PDE11A: variants seen among roughly 807,000 people sequenced by gnomAD.
PDE11A encodes the protein phosphodiesterase 11A.
A neutral mutation model predicts 100.5 loss-of-function variants in PDE11A; 100 were observed. That is an observed-to-expected ratio of 1.00 (90% CI 0.85 to 1.18). PDE11A has a LOEUF of 1.18. Among genes scored for constraint, PDE11A ranks in the 50% most tolerant of loss-of-function variants. The pLI is 0.00. For missense variants in PDE11A, 1,141 were observed against 1,152.6 expected, an observed-to-expected ratio of 0.99 and a Z score of 0.15; for synonymous variants, 381 against 420.8, an observed-to-expected ratio of 0.91 and a Z score of 1.16.
At chr2:177,888,821 A>G in intron 4 of PDE11A, 1 of 174,382 alleles carries the variant, frequency 5.7e-6, no homozygotes, top group East Asian at 1.9e-4. Flanking sequence ...CCTCTTCTGT[A>G]ATATGACCCA....
At chr2:177,870,317 AT>A (rs935051205) in intron 5 of PDE11A, among the ~76,000 whole-genome samples, 2 of 152,200 alleles carry the variant, frequency 1.3e-5, no homozygotes, top group Non-Finnish European at 2.9e-5. Context: ...ATAACTTTTC[AT>A]TTCAATGCCA....
chr2:177,660,571 T>C (rs1000733227), intron 19 of PDE11A, among the ~76,000 whole-genome samples: 11 of 152,240 alleles, frequency 7.2e-5, no homozygotes, highest in African/African-American at 2.7e-4. Context: ...GAGGAGTTCC[T>C]CATTGTTTTC....
chr2:178,050,734 A>G (rs1000069022), intron 1 of PDE11A, among the ~76,000 whole-genome samples: 12 of 152,242 alleles, frequency 7.9e-5, no homozygotes, highest in African/African-American at 2.9e-4. Flanking sequence ...AGCCGATTCG[A>G]TCAACTGGAA....
chr2:177,764,188 G>A (rs960073335), intron 10 of PDE11A, among the ~76,000 whole-genome samples: 2 of 151,908 alleles, frequency 1.3e-5, no homozygotes, highest in African/African-American at 4.8e-5. Flanking sequence ...ACCTATTCTT[G>A]GTACTTTATT....
chr2:177,961,713 CATAATGGAAAGCCA>C (rs899850568), intron 2 of PDE11A, among the ~76,000 whole-genome samples: 1 of 151,908 alleles, frequency 6.6e-6, no homozygotes, highest in Non-Finnish European at 1.5e-5. Context: ...AGATCATGAC[CATAATGGAAAGCCA>C]ATAACATTTT....
chr2:177,824,820 A>G (rs1420209370), intron 6 of PDE11A, among the ~76,000 whole-genome samples: 1 of 152,196 alleles, frequency 6.6e-6, no homozygotes, highest in African/African-American at 2.4e-5. Flanking sequence ...CATATGGAAA[A>G]TATTTAATAT....
At chr2:177,653,288 C>G (rs951758540) in intron 19 of PDE11A, among the ~76,000 whole-genome samples, 1 of 152,190 alleles carries the variant, frequency 6.6e-6, no homozygotes, top group Admixed American at 6.5e-5. Flanking sequence ...TCCATGAGTG[C>G]TCTGAGAGAA....
chr2:177,980,176 C>G (rs2085864002), intron 2 of PDE11A, among the ~76,000 whole-genome samples: 1 of 150,198 alleles, frequency 6.7e-6, no homozygotes, highest in Non-Finnish European at 1.5e-5. Context: ...ACGAAGAATA[C>G]CAGCTAAGGA....
intron 10 of PDE11A, among the ~76,000 whole-genome samples, chr2:177,740,070 T>G (rs1559168167): frequency 6.6e-6 from 1 of 152,206 alleles, no homozygotes; most frequent in Non-Finnish European, 1.5e-5. Context: ...GCTCTTTGAC[T>G]TCTCTCAGAT....
intron 1 of PDE11A, among the ~76,000 whole-genome samples, chr2:178,029,656 A>C (rs1559047443): frequency 6.6e-6 from 1 of 152,226 alleles, no homozygotes; most frequent in Non-Finnish European, 1.5e-5. Flanking sequence ...AAATAAGAGC[A>C]AAAGTTAATG....
At chr2:177,910,447 C>A (rs779708992) in intron 2 of PDE11A, among the ~76,000 whole-genome samples, 1 of 145,410 alleles carries the variant, frequency 6.9e-6, no homozygotes, top group Non-Finnish European at 1.5e-5. Flanking sequence ...TATATATATA[C>A]ACACACACAC....
At chr2:177,853,106 C>T (rs2083744073) in intron 5 of PDE11A, among the ~76,000 whole-genome samples, 1 of 143,112 alleles carries the variant, frequency 7.0e-6, no homozygotes, top group Non-Finnish European at 1.5e-5. Context: ...CAATTGCCTG[C>T]TTCTGTCACA....
At chr2:178,044,312 G>A (rs2086717360) in intron 1 of PDE11A, among the ~76,000 whole-genome samples, 1 of 85,166 alleles carries the variant, frequency 1.2e-5, no homozygotes, top group South Asian at 3.8e-4. Flanking sequence ...GAAGAATCCT[G>A]ATTTTACCAT....
At chr2:177,716,104 G>C (rs2081433440) in intron 12 of PDE11A, among the ~76,000 whole-genome samples, 1 of 152,210 alleles carries the variant, frequency 6.6e-6, no homozygotes, top group African/African-American at 2.4e-5. Flanking sequence ...TGAGGATGTA[G>C]GCTTTCACTT....
At chr2:177,817,756 A>G in intron 8 of PDE11A, 102 bp downstream of exon 8, 1 of 691,684 alleles carries the variant, frequency 1.4e-6, no homozygotes, top group East Asian at 2.8e-5. Context: ...CCATTTAAGT[A>G]TAATAATAAT....
intron 19 of PDE11A, among the ~76,000 whole-genome samples, chr2:177,639,276 G>A (rs2080102966): frequency 6.6e-6 from 1 of 152,134 alleles, no homozygotes; most frequent in East Asian, 1.9e-4. Flanking sequence ...TGTTGTTGTT[G>A]TTGTTTTGTT....
At chr2:177,672,606 G>A (rs7560514) in intron 17 of PDE11A, among the ~76,000 whole-genome samples, 123,603 of 152,192 alleles carry the variant, frequency 0.81, 50,960 homozygotes, top group East Asian at 0.98. Flanking sequence ...AGCTAACAAT[G>A]TTCTGAATAA....
chr2:177,937,660 T>A (rs78498627), intron 2 of PDE11A, among the ~76,000 whole-genome samples: 13,153 of 152,194 alleles, frequency 0.086, 539 homozygotes, highest in South Asian at 0.099. Flanking sequence ...AAATCTACTT[T>A]CTAAGTTGAT....
At chr2:177,906,000 T>A (rs2084779793) in intron 2 of PDE11A, among the ~76,000 whole-genome samples, 1 of 152,178 alleles carries the variant, frequency 6.6e-6, no homozygotes, top group African/African-American at 2.4e-5. Context: ...ATCTCCAGAA[T>A]CTCTGATTCC....
Sources: allele counts gnomAD v4.1 joint callset (sites outside exome capture counted in the v4.1 genomes callset), GRCh38; gene constraint gnomAD v4.1.1; transcripts MANE v1.5; gene names NCBI Gene and HGNC (gene_info 2026-07-23, HGNC 2026-07-21).